STXBP2: variants seen among roughly 807,000 people sequenced by gnomAD.
The protein encoded by STXBP2 is syntaxin-binding protein 2.
A neutral mutation model predicts 72.2 loss-of-function variants in STXBP2; 47 were observed. The ratio of observed to expected loss-of-function variants is 0.65; its 90% CI spans 0.51 to 0.83. STXBP2 has a LOEUF of 0.83. STXBP2 is among the 40% of genes least tolerant of loss of function. The pLI is 0.00. For missense variants in STXBP2, 702 were observed against 807.6 expected (o/e 0.87, Z 1.58); for synonymous variants, 367 against 338.7 (o/e 1.08, Z -0.92).
intron 15 of STXBP2, 38 bp from the exon 16 acceptor site, chr19:7,646,211 C>T (rs2032130076): frequency 3.2e-6 from 5 of 1,555,672 alleles, no homozygotes; most frequent in Non-Finnish European, 4.4e-6. Context: ...GCCTCCTTCC[C>T]CTCAATCCCC....
rs2146206226 is a variant in STXBP2, at chr19:7,638,775, G to A, written c.87G>A (p.Lys29=). ...GTGTCAAGAAGGATGGGGAGTGGAA[G>A]GTAGGGGTGAGGCAGATGGCTGGGT... is the stretch of plus-strand genomic sequence containing the variant. The part of the protein sequence containing the change: ...IRSVKKDGEW[K]VLIMDHPSMR... The change falls in exon 2 of 19, where the codon AAG becomes AAA. Residue 29 remains lysine (K), a splice_region_variant and synonymous_variant. Coordinates refer to ENST00000221283, the MANE Select transcript of STXBP2 (RefSeq NM_006949.4). 1 of 1,614,182 alleles carries A rather than the reference G, an allele frequency of 6.2e-7. No individual in the cohort carries two copies. The highest frequency in any genetic ancestry group is 8.5e-7 in the Non-Finnish European group (1 of 1,180,028).
the STXBP2 span, chr19:7,631,816 T>A: frequency 7.2e-7 from 1 of 1,388,024 alleles, no homozygotes; most frequent in African/African-American, 1.5e-5. Flanking sequence ...GTCCTGTGGA[T>A]GAAGAGGGGT....
At chr19:7,639,212 T>G (rs2031690547) in intron 3 of STXBP2, 112 bp downstream of exon 3, 1 of 1,159,668 alleles carries the variant, frequency 8.6e-7, no homozygotes, top group Admixed American at 2.0e-5. Context: ...CGTCCAGAAC[T>G]CCCAAGTACG....
rs2031952442 is a variant in STXBP2 at position 7,642,879 on chromosome 19, T to C, written c.960+56T>C. The C allele has an allele frequency of 6.2e-7, 1 of 1,612,804 alleles. No individual in the cohort carries two copies. The highest frequency in any genetic ancestry group is 1.1e-5 in the South Asian group (1 of 91,056). Reference sequence around the variant, plus strand: ...TGGTGGAAGGAAGCCCCCCTCCCCATGGGCGCAGGGCCACAGCCTGGATTT... The same window carrying C: ...TGGTGGAAGGAAGCCCCCCTCCCCACGGGCGCAGGGCCACAGCCTGGATTT... On this transcript the variant is annotated intron_variant, in intron 11 of 18. Transcript: ENST00000221283. This position sits in a 1 kb window ranked among gnomAD's most constrained non-coding sequence, Gnocchi z 6.0.
chr19:7,634,669 C>CT (rs199913226), upstream of STXBP2, among the ~76,000 whole-genome samples: 55 of 151,932 alleles, frequency 3.6e-4, no homozygotes, highest in Non-Finnish European at 6.5e-4. Flanking sequence ...CATGCTGAGC[C>CT]TTTAAAATTT....
chr19:7,643,969 A>T (rs1450985334), intron 13 of STXBP2, among the ~76,000 whole-genome samples: 1 of 142,522 alleles, frequency 7.0e-6, no homozygotes, highest in Non-Finnish European at 1.5e-5. Flanking sequence ...GATCTGGGTG[A>T]GGCACGGGGC....
rs551642837 is a variant in STXBP2, at chr19:7,640,532, ATG to A, written c.247-190_247-189del. Reference sequence around the variant, plus strand: ...TGTGTGCATGTGTGCATGCGTGTGTATGTGTGTGTGCGTGCGTGCATCTGTGT... The same window carrying A: ...TGTGTGCATGTGTGCATGCGTGTGTATGTGTGTGCGTGCGTGCATCTGTGT... On this transcript the variant is annotated intron_variant, in intron 4 of 18. Transcript: ENST00000221283. 719 of 693,966 alleles carry A rather than the reference ATG, an allele frequency of 1.0e-3. 2 individuals carry two copies. Among genetic ancestry groups the A allele is most frequent in the Admixed American group, 2.2e-3 (108 of 48,746 alleles). The allele number at this position is 693,966 out of a possible 1,614,324, so 43.0% of individuals were successfully genotyped here. A position where few individuals can be genotyped will look rare whatever the true frequency, so the allele number is the denominator to read the frequency against.
At position 7,642,462 on chromosome 19, in the gene STXBP2, G is replaced by C; in HGVS notation, c.828G>C (p.Glu276Asp). The C allele has an allele frequency of 6.2e-7, 1 of 1,614,074 alleles. No individual in the cohort carries two copies. Among genetic ancestry groups the C allele is most frequent in the Non-Finnish European group, 8.5e-7 (1 of 1,180,042 alleles). The change falls in exon 10 of 19, where the codon GAG becomes GAC. Residue 276 changes from glutamate to aspartate, a missense_variant. Glu to Asp is a conservative substitution (Grantham distance 45, BLOSUM62 2). Transcript: ENST00000221283. The surrounding 1 kb of genome is among the most constrained non-coding windows in gnomAD (Gnocchi z 6.0). ...YETTGLSEAR[E>D]KAVLLDEDDD... ...CCACCGGGCTGAGCGAGGCGCGGGA[G>C]AAGGCCGTCTTGCTGGACGAGGACG...
rs150567570 is a variant in STXBP2, at chr19:7,640,769, G to T, written c.285G>T (p.Pro95=). 6.2e-7 allele frequency: 1 copy of T among 1,614,180 alleles called. No individual in the cohort carries two copies. Among genetic ancestry groups the T allele is most frequent in the South Asian group, 1.1e-5 (1 of 91,088 alleles). ...TGATCAAAGACTTCCAGGGGACCCC[G>T]ACTTTCACCTACAAAGCGGCCCATA... ...QALIKDFQGT[P]TFTYKAAHIF... is the part of the protein sequence containing the mutation. Residue 95 remains proline (P), a synonymous_variant, in exon 5 of 19, where the codon CCG becomes CCT. Transcript: ENST00000221283.
Position 7,647,524 on chromosome 19 carries a change from G to C in STXBP2, c.1696+13G>C, listed in dbSNP as rs2032186937. 2 of 1,585,834 alleles carry C rather than the reference G, an allele frequency of 1.3e-6. No homozygotes were observed. The highest frequency in any genetic ancestry group is 1.7e-6 in the Non-Finnish European group (2 of 1,164,916). Reference sequence around the variant, plus strand: ...GAGGTGCTCATTGGTAAGTCACCAGGACTGGGACCCTGGGGTCTGGGGCTT... The same window carrying C: ...GAGGTGCTCATTGGTAAGTCACCAGCACTGGGACCCTGGGGTCTGGGGCTT... On this transcript the variant is annotated intron_variant, in intron 18 of 18. Transcript: ENST00000221283.
the STXBP2 span, chr19:7,630,486 C>G: frequency 9.1e-7 from 1 of 1,093,070 alleles, no homozygotes; most frequent in East Asian, 2.6e-5. Flanking sequence ...CTTCTGGACT[C>G]TGCAGTAGGA....
In STXBP2 at chr19:7,647,765, C is replaced by A. The variant is rs1217969717; in HGVS notation, c.1737C>A (p.Asp579Glu). The change falls in exon 19 of 19, where the codon GAC becomes GAA. Residue 579 changes from aspartate (D) to glutamate (E), a missense_variant. Coordinates refer to ENST00000221283, the MANE Select transcript of STXBP2 (RefSeq NM_006949.4). ...TCACCCCGACCCGCTTCCTGGATGA[C>A]CTGAAGGCACTGGACAAGAAGCTGG... ...HILTPTRFLDDLKALDKKLED... is the reference protein window; with the variant it reads ...HILTPTRFLDELKALDKKLED... 4 of 1,614,102 alleles carry A rather than the reference C, an allele frequency of 2.5e-6. No individual in the cohort carries two copies. Among genetic ancestry groups the A allele is most frequent in the Non-Finnish European group, 3.4e-6 (4 of 1,180,000 alleles).
At chr19:7,639,930 A>C (rs1030082859) in intron 4 of STXBP2, 123 bp downstream of exon 4, 21 of 411,502 alleles carry the variant, frequency 5.1e-5, no homozygotes, top group Middle Eastern at 6.3e-4. Context: ...GTCCATGTGT[A>C]TGTGTGTGCA....
chr19:7,634,340 G>A (rs117655093), upstream of STXBP2, among the ~76,000 whole-genome samples: 1,280 of 152,262 alleles, frequency 8.4e-3, 8 homozygotes, highest in Non-Finnish European at 0.012. Context: ...ACCAGTGGAA[G>A]TTTCATCTCA....
chr19:7,642,802 C>A lies in STXBP2; in HGVS notation c.939C>A (p.Ser313Arg), dbSNP rs2031948474. 1.9e-6 allele frequency: 3 copies of A among 1,613,964 alleles called. No individual in the cohort carries two copies. Among genetic ancestry groups the A allele is most frequent in the East Asian group, 4.5e-5 (2 of 44,882 alleles). The change falls in exon 11 of 19, where the codon AGC becomes AGA. Residue 313 changes from serine (S) to arginine (R), a missense_variant. By Grantham distance (110) the Ser-to-Arg change is moderately radical (BLOSUM62 -1). Transcript: ENST00000221283. The surrounding 1 kb of genome is among the most constrained non-coding windows in gnomAD (Gnocchi z 6.0). ...AGCTCCTGAGGACCTTCTGTGAGAG[C>A]AAGAGGCTGACCACGGACAAGGTAG... Reference protein sequence around the residue: ...VTELLRTFCESKRLTTDKANI... With the variant: ...VTELLRTFCERKRLTTDKANI...
intron 1 of STXBP2, among the ~76,000 whole-genome samples, chr19:7,638,277 A>C (rs932171159): frequency 2.6e-5 from 4 of 152,152 alleles, no homozygotes; most frequent in Non-Finnish European, 5.9e-5. Context: ...ATTGGGGGTG[A>C]CCCCAGAAGC....
intron 4 of STXBP2, 93 bp downstream of exon 4, chr19:7,639,900 A>C (rs2031725631): frequency 7.3e-7 from 1 of 1,370,982 alleles, no homozygotes; most frequent in Non-Finnish European, 1.0e-6. Flanking sequence ...GCATGTGTGC[A>C]TGTGTATACG....
chr19:7,639,233 C>A, intron 3 of STXBP2, 133 bp downstream of exon 3: 1 of 948,866 alleles, frequency 1.1e-6, no homozygotes, highest in Non-Finnish European at 1.7e-6. Flanking sequence ...CAGCTCCCTG[C>A]ACGGACAGCC....
At chr19:7,640,478 ATGTG>A (rs775946676) in intron 4 of STXBP2, 31 of 634,418 alleles carry the variant, frequency 4.9e-5, no homozygotes, top group Admixed American at 6.7e-5. Flanking sequence ...CTGTGTGTGC[ATGTG>A]TGTATGTGTG....
Sources: gnomAD v4.1 joint callset for allele counts (sites outside exome capture counted in the v4.1 genomes callset) on GRCh38, gnomAD v4.1.1 for gene constraint, Gnocchi (gnomAD v3.1) non-coding constraint, MANE v1.5 for transcripts, NCBI Gene and HGNC (gene_info 2026-07-23, HGNC 2026-07-21) for gene names.